Variants in DNM3 observed in about 807,000 individuals in gnomAD.
The protein encoded by DNM3 is dynamin-3.
In DNM3, 47 loss-of-function variants were observed where a neutral mutation model predicts 101.6. That is an observed-to-expected ratio of 0.46 (90% confidence interval 0.37 to 0.59). DNM3 has a LOEUF of 0.59. DNM3 is among the 20% of genes least tolerant of loss of function. The pLI is 0.00. For synonymous variants in DNM3, 385 were observed against 387.9 expected, an observed-to-expected ratio of 0.99 and a Z score of 0.09; for missense variants, 849 against 1,085.7, an observed-to-expected ratio of 0.78 and a Z score of 3.06.
intron 13 of DNM3, among the ~76,000 whole-genome samples, chr1:172,129,818 A>G (rs897346150): frequency 5.3e-5 from 8 of 152,172 alleles, no homozygotes; most frequent in African/African-American, 1.4e-4. Flanking sequence ...TCACTATACT[A>G]TACTATCACT....
At chr1:171,976,525 C>G (rs1367470399) in intron 2 of DNM3, among the ~76,000 whole-genome samples, 2 of 152,178 alleles carry the variant, frequency 1.3e-5, no homozygotes, top group African/African-American at 4.8e-5. Flanking sequence ...AGACCCACCT[C>G]CATGATTCAA....
At chr1:172,270,159 T>C (rs763104695) in intron 15 of DNM3, among the ~76,000 whole-genome samples, 3 of 151,984 alleles carry the variant, frequency 2.0e-5, no homozygotes, top group Non-Finnish European at 4.4e-5. Context: ...AATAATGGCA[T>C]CTCTGGCAGC....
intron 15 of DNM3, among the ~76,000 whole-genome samples, chr1:172,292,434 A>C (rs1049638924): frequency 6.6e-6 from 1 of 152,232 alleles, no homozygotes; most frequent in East Asian, 1.9e-4. Flanking sequence ...CTTTTCTTGC[A>C]TCTGGAGATT....
At chr1:171,985,391 G>C (rs1161503159) in intron 2 of DNM3, among the ~76,000 whole-genome samples, 1 of 152,120 alleles carries the variant, frequency 6.6e-6, no homozygotes, top group Non-Finnish European at 1.5e-5. Context: ...CCTAGGCTTT[G>C]AATGGGTAAT....
intron 1 of DNM3, among the ~76,000 whole-genome samples, chr1:171,870,489 C>T (rs2035170494): frequency 6.6e-6 from 1 of 151,706 alleles, no homozygotes; most frequent in African/African-American, 2.4e-5. Flanking sequence ...AACAAACAAA[C>T]AAACAAAAAA....
intron 10 of DNM3, among the ~76,000 whole-genome samples, chr1:172,059,686 G>A (rs1386376259): frequency 9.7e-6 from 1 of 103,482 alleles, no homozygotes; most frequent in African/African-American, 4.2e-5. Context: ...GGTATTGATG[G>A]GACGTATTTC....
At chr1:172,060,052 A>G (rs1347762674) in intron 10 of DNM3, among the ~76,000 whole-genome samples, 2 of 152,134 alleles carry the variant, frequency 1.3e-5, no homozygotes, top group African/African-American at 4.8e-5. Context: ...TATACCAACA[A>G]TCGACAAACA....
intron 2 of DNM3, among the ~76,000 whole-genome samples, chr1:171,956,589 C>G (rs1232005401): frequency 2.6e-5 from 4 of 152,066 alleles, no homozygotes; most frequent in Admixed American, 6.5e-5. Flanking sequence ...TGCAGGCTGT[C>G]GGTGGATCTA....
intron 10 of DNM3, among the ~76,000 whole-genome samples, chr1:172,057,990 A>T (rs975729525): frequency 7.0e-6 from 1 of 142,898 alleles, no homozygotes; most frequent in African/African-American, 2.7e-5. Context: ...ACATGAAAGG[A>T]TGGAGGAAGA....
At chr1:172,227,931 T>C (rs1178353049) in intron 14 of DNM3, among the ~76,000 whole-genome samples, 1 of 152,164 alleles carries the variant, frequency 6.6e-6, no homozygotes, top group Non-Finnish European at 1.5e-5. Context: ...TGGTTATTAC[T>C]GAAGTTTAGT....
chr1:171,869,273 CT>C (rs919193251), intron 1 of DNM3, among the ~76,000 whole-genome samples: 2 of 152,150 alleles, frequency 1.3e-5, no homozygotes, highest in African/African-American at 4.8e-5. Context: ...AGCCCAGGCA[CT>C]GTTTCCTTTG....
intron 14 of DNM3, among the ~76,000 whole-genome samples, chr1:172,212,440 A>G (rs1285771102): frequency 2.6e-5 from 4 of 152,198 alleles, no homozygotes; most frequent in South Asian, 2.1e-4. Flanking sequence ...GTCACTGAAC[A>G]TATTTCATAT....
chr1:171,885,851 C>T (rs1025271010), intron 1 of DNM3, among the ~76,000 whole-genome samples: 27 of 152,234 alleles, frequency 1.8e-4, no homozygotes, highest in African/African-American at 5.5e-4. Flanking sequence ...TAGCTGTTTG[C>T]ACAGTGAGGG....
intron 20 of DNM3, among the ~76,000 whole-genome samples, chr1:172,396,799 C>T (rs2070041132): frequency 6.6e-6 from 1 of 152,010 alleles, no homozygotes; most frequent in South Asian, 2.1e-4. Context: ...CATTCATTTG[C>T]AGTATTTCAT....
chr1:172,035,015 G>T (rs2048856683), intron 6 of DNM3, among the ~76,000 whole-genome samples: 2 of 152,084 alleles, frequency 1.3e-5, no homozygotes, highest in Admixed American at 1.3e-4. Flanking sequence ...ACCAAGAGTA[G>T]ACCAGTTAGA....
chr1:172,107,184 A>T (rs917639666), intron 13 of DNM3, among the ~76,000 whole-genome samples: 1 of 152,184 alleles, frequency 6.6e-6, no homozygotes, highest in Non-Finnish European at 1.5e-5. Context: ...TTATAAAAAA[A>T]TAATGAATAT....
chr1:172,259,097 G>C (rs1034390887), intron 15 of DNM3, among the ~76,000 whole-genome samples: 1 of 151,154 alleles, frequency 6.6e-6, no homozygotes, highest in Non-Finnish European at 1.5e-5. Flanking sequence ...TTATTCTATT[G>C]TTGTCTGAAA....
At chr1:172,013,749 G>A (rs2047273031) in intron 4 of DNM3, among the ~76,000 whole-genome samples, 1 of 152,042 alleles carries the variant, frequency 6.6e-6, no homozygotes, top group Non-Finnish European at 1.5e-5. Flanking sequence ...GATTATAAAG[G>A]TGAGGGGGGC....
Position 171,935,769 on chromosome 1 carries a change from CTTTTTTTTT to C in DNM3, c.235+13967_235+13975del, listed in dbSNP as rs551030808. Among the ~76,000 whole-genome samples, 81 of 48,022 alleles carry C rather than the reference CTTTTTTTTT, an allele frequency of 1.7e-3. 2 individuals are homozygous for C. The highest frequency in any genetic ancestry group is 0.033 in the Middle Eastern group (2 of 60). 31.5% of individuals were successfully genotyped at this position (48,022 alleles called of 152,430 possible). On this transcript the variant is annotated intron_variant, in intron 2 of 20. Coordinates refer to ENST00000627582, the MANE Select transcript of DNM3 (RefSeq NM_015569.5). ...AATTGGCAAATACTACAAATCAAAA[CTTTTTTTTT>C]TTTTTTTTTTTTTTTTTTGCCTCTA...
Sources: allele counts gnomAD v4.1 joint callset (sites outside exome capture counted in the v4.1 genomes callset), GRCh38; gene constraint gnomAD v4.1.1; transcripts MANE v1.5; gene names NCBI Gene and HGNC (gene_info 2026-07-23, HGNC 2026-07-21).